The following ACSS2 variants were observed in gnomAD, a reference collection of about 807,000 sequenced individuals.
The protein encoded by ACSS2 is acyl-CoA synthetase short chain family member 2.
ACSS2 carries 58 observed loss-of-function variants against 90.6 expected under a neutral mutation model. The observed-to-expected ratio is 0.64, with a 90% CI of 0.52 to 0.80. ACSS2 has a LOEUF of 0.80. ACSS2 is among the 30% of genes least tolerant of loss of function. The probability of loss-of-function intolerance (pLI) is 0.00; values close to 1 mark genes in which losing one functional copy is unlikely to be tolerated. For missense variants in ACSS2, 759 were observed against 912.0 expected, an observed-to-expected ratio of 0.83 and a Z score of 2.16; for synonymous variants, 300 against 330.9, an observed-to-expected ratio of 0.91 and a Z score of 1.01.
chr20:34,923,474 T>G (rs1286340053), intron 14 of ACSS2, 43 bp downstream of exon 14: 1 of 1,386,350 alleles, frequency 7.2e-7, no homozygotes, highest in Non-Finnish European at 1.0e-6. Context: ...CACTAAGACA[T>G]GTACCTTCCA....
chr20:34,898,865 G>A (rs560011540), intron 2 of ACSS2, among the ~76,000 whole-genome samples: 1 of 151,996 alleles, frequency 6.6e-6, no homozygotes. Context: ...GTGCTCGTCG[G>A]GGGGGCTCGG....
At chr20:34,921,688 T>G in intron 12 of ACSS2, 88 bp downstream of exon 12, 1 of 1,608,400 alleles carries the variant, frequency 6.2e-7, no homozygotes, top group East Asian at 2.2e-5. Context: ...AGAACTGGAC[T>G]GACATGTGTG....
chr20:34,876,666 G>A lies in ACSS2; in HGVS notation c.21G>A (p.Arg7=). 1 of 1,402,850 alleles carries A rather than the reference G, an allele frequency of 7.1e-7. No individual in the cohort carries two copies. The highest frequency in any genetic ancestry group is 9.3e-7 in the Non-Finnish European group (1 of 1,071,356). The allele number at this position is 1,402,850 out of a possible 1,614,324, so 86.9% of individuals were successfully genotyped here. ...ACGTGATGGGGCTTCCTGAGGAGCG[G>A]GTCCGGAGCGGCAGCGGGAGCCGGG... MGLPEE[R]VRSGSGSRGQ... is the part of the protein sequence containing the mutation. Residue 7 remains arginine, a synonymous_variant, in exon 1 of 18, where the codon CGG becomes CGA. Coordinates refer to ENST00000360596, the MANE Select transcript of ACSS2 (RefSeq NM_018677.4).
intron 2 of ACSS2, among the ~76,000 whole-genome samples, chr20:34,891,075 T>C (rs1367998341): frequency 6.6e-6 from 1 of 152,106 alleles, no homozygotes; most frequent in African/African-American, 2.4e-5. Flanking sequence ...TGATTTTCCA[T>C]ATCACCTTGA....
chr20:34,909,824 C>G (rs1377519299), intron 2 of ACSS2, among the ~76,000 whole-genome samples: 1 of 151,830 alleles, frequency 6.6e-6, no homozygotes, highest in Admixed American at 6.6e-5. Context: ...TCAAATGATC[C>G]TCCCGCCTTA....
At chr20:34,924,351 T>C (rs1201733154) in intron 14 of ACSS2, among the ~76,000 whole-genome samples, 1 of 152,186 alleles carries the variant, frequency 6.6e-6, no homozygotes, top group African/African-American at 2.4e-5. Flanking sequence ...TAAATGCTGT[T>C]AAGAAAAATA....
At chr20:34,888,574 G>T (rs1054575242) in intron 2 of ACSS2, among the ~76,000 whole-genome samples, 1 of 152,208 alleles carries the variant, frequency 6.6e-6, no homozygotes, top group Non-Finnish European at 1.5e-5. Context: ...CCCTCATGGA[G>T]GTTATAGTCC....
At chr20:34,886,846 T>A (rs185861517) in intron 2 of ACSS2, among the ~76,000 whole-genome samples, 1 of 152,334 alleles carries the variant, frequency 6.6e-6, no homozygotes, top group Non-Finnish European at 1.5e-5. Flanking sequence ...GATATACTTC[T>A]TATAGAAACA....
chr20:34,927,690 T>A lies in ACSS2; in HGVS notation c.*476T>A. 1 of 170,052 alleles carries A rather than the reference T, an allele frequency of 5.9e-6. No homozygotes were observed. The highest frequency in any genetic ancestry group is 1.5e-4 in the East Asian group (1 of 6,708). The allele number at this position is 170,052 out of a possible 1,614,324, so 10.5% of individuals were successfully genotyped here. ...TTCTGTTCTGGGTCTGAATTCCCTTTTGTGCCAGATGCCAGTACTGTCTGC... is the reference window on the plus strand; with the variant it reads ...TTCTGTTCTGGGTCTGAATTCCCTTATGTGCCAGATGCCAGTACTGTCTGC... On this transcript the variant is annotated 3_prime_UTR_variant, in exon 18 of 18. Transcript: ENST00000360596. The surrounding 1 kb of genome is among the most constrained non-coding windows in gnomAD (Gnocchi z 4.2).
intron 2 of ACSS2, among the ~76,000 whole-genome samples, chr20:34,892,785 T>G (rs2080365411): frequency 6.6e-6 from 1 of 152,206 alleles, no homozygotes; most frequent in Non-Finnish European, 1.5e-5. Flanking sequence ...TAGAGCCACA[T>G]TCTGTAGGCT....
intron 8 of ACSS2, 43 bp downstream of exon 8, chr20:34,919,615 G>GTGTA: frequency 8.0e-7 from 1 of 1,248,038 alleles, no homozygotes; most frequent in South Asian, 1.4e-5. Flanking sequence ...GTGTGTGTGT[G>GTGTA]TGTGTATTAT....
intron 2 of ACSS2, among the ~76,000 whole-genome samples, chr20:34,896,672 C>T (rs2080468395): frequency 6.6e-6 from 1 of 152,174 alleles, no homozygotes; most frequent in African/African-American, 2.4e-5. Flanking sequence ...CATTAAGGAA[C>T]TCATAATCCA....
At position 34,921,804 on chromosome 20, in the gene ACSS2, G is replaced by A. The variant is rs1568999425; in HGVS notation, c.1486G>A (p.Val496Ile). The A allele has an allele frequency of 4.3e-6, 7 of 1,613,998 alleles. No individual in the cohort carries two copies. The Admixed American group carries it at 5.0e-5, about 12-fold the overall frequency. The change falls in exon 13 of 18, where the codon GTA becomes ATA. Residue 496 changes from valine to isoleucine, a missense_variant. Val to Ile is a conservative substitution (Grantham distance 29, BLOSUM62 3). Coordinates refer to ENST00000360596, the MANE Select transcript of ACSS2 (RefSeq NM_018677.4). Reference sequence around the variant, plus strand: ...CTTCTAGACTTTCCCATTCTTTGGTGTAGCTCCTGCAATCCTGAATGAGTC... The same window carrying A: ...CTTCTAGACTTTCCCATTCTTTGGTATAGCTCCTGCAATCCTGAATGAGTC... ...PGSATFPFFG[V>I]APAILNESGE...
chr20:34,895,201 A>T (rs1298525245), intron 2 of ACSS2, among the ~76,000 whole-genome samples: 2 of 152,206 alleles, frequency 1.3e-5, no homozygotes, highest in African/African-American at 2.4e-5. Context: ...CAAAAAATCG[A>T]ATTTCCAAAA....
chr20:34,888,928 T>C (rs2080264649), intron 2 of ACSS2, among the ~76,000 whole-genome samples: 1 of 152,106 alleles, frequency 6.6e-6, no homozygotes, highest in South Asian at 2.1e-4. Context: ...CAGCAGGATA[T>C]TAGATCATGT....
chr20:34,886,911 C>T (rs987820046), intron 2 of ACSS2, among the ~76,000 whole-genome samples: 2 of 152,174 alleles, frequency 1.3e-5, no homozygotes, highest in South Asian at 2.1e-4. Context: ...GTGGCATTAA[C>T]AAGCCACATT....
At chr20:34,892,390 A>G (rs373342592) in intron 2 of ACSS2, among the ~76,000 whole-genome samples, 1 of 152,088 alleles carries the variant, frequency 6.6e-6, no homozygotes. Flanking sequence ...TGAGAATTCA[A>G]GACTCTCAGT....
At chr20:34,882,652 T>C (rs899540226) in intron 1 of ACSS2, 142 bp from the exon 2 acceptor site, 17 of 673,286 alleles carry the variant, frequency 2.5e-5, no homozygotes, top group Non-Finnish European at 3.7e-5. Context: ...GTGCTAAGAT[T>C]AGACAGGTAA....
chr20:34,883,883 T>G (rs2080127479), intron 2 of ACSS2, among the ~76,000 whole-genome samples: 1 of 152,220 alleles, frequency 6.6e-6, no homozygotes, highest in East Asian at 1.9e-4. Context: ...ATTGGGGTGT[T>G]GCTTCTGCCA....
Sources: gnomAD v4.1 joint callset for allele counts (sites outside exome capture counted in the v4.1 genomes callset) on GRCh38, gnomAD v4.1.1 for gene constraint, Gnocchi (gnomAD v3.1) non-coding constraint, MANE v1.5 for transcripts, NCBI Gene and HGNC (gene_info 2026-07-23, HGNC 2026-07-21) for gene names.